KL: variants seen among roughly 807,000 people sequenced by gnomAD.
KL encodes klotho.
Under a neutral mutation model 84.2 loss-of-function variants are expected in KL, and 62 were observed. The observed-to-expected ratio is 0.74, with a 90% CI of 0.60 to 0.91. The LOEUF (loss-of-function observed/expected upper bound fraction) is 0.91, where lower values mean the gene tolerates loss of function less well. KL is among the 40% of genes least tolerant of loss of function. The probability of loss-of-function intolerance (pLI) is 0.00; values close to 1 mark genes in which losing one functional copy is unlikely to be tolerated. For missense variants in KL, 1,261 were observed against 1,305.7 expected (o/e 0.97, Z 0.53); for synonymous variants, 528 against 528.0 (o/e 1.00, Z 0.00).
chr13:33,060,399 A>G (rs1872130430), intron 3 of KL, among the ~76,000 whole-genome samples: 1 of 152,228 alleles, frequency 6.6e-6, no homozygotes. Context: ...TGCAAGACTC[A>G]TTAGCATTTG....
chr13:33,042,389 A>G (rs1280442611), intron 1 of KL, among the ~76,000 whole-genome samples: 1 of 152,118 alleles, frequency 6.6e-6, no homozygotes, highest in Non-Finnish European at 1.5e-5. Context: ...CTTCTAATCA[A>G]TTCTCACCTC....
intron 1 of KL, among the ~76,000 whole-genome samples, chr13:33,032,823 CT>C (rs1417444952): frequency 6.6e-6 from 1 of 152,014 alleles, no homozygotes; most frequent in East Asian, 1.9e-4. Context: ...CCTGGAATGC[CT>C]TTTTCCGTCT....
chr13:33,032,717 C>T (rs1405862194), intron 1 of KL, among the ~76,000 whole-genome samples: 1 of 152,024 alleles, frequency 6.6e-6, no homozygotes, highest in Non-Finnish European at 1.5e-5. Flanking sequence ...CAGGTTATAT[C>T]GTAAAAGATC....
At chr13:33,038,114 T>G (rs1286107944) in intron 1 of KL, among the ~76,000 whole-genome samples, 1 of 152,240 alleles carries the variant, frequency 6.6e-6, no homozygotes, top group Admixed American at 6.5e-5. Context: ...ATTTTGAGCA[T>G]ATGACTGATC....
intron 1 of KL, among the ~76,000 whole-genome samples, chr13:33,024,313 G>A (rs1870678141): frequency 6.6e-6 from 1 of 152,220 alleles, no homozygotes; most frequent in African/African-American, 2.4e-5. Flanking sequence ...GAATATGAAT[G>A]TAACCTTTGA....
At chr13:33,020,244 C>G (rs1870527304) in intron 1 of KL, among the ~76,000 whole-genome samples, 1 of 152,178 alleles carries the variant, frequency 6.6e-6, no homozygotes, top group Non-Finnish European at 1.5e-5. Flanking sequence ...TTTGTTGAAG[C>G]CATCACTTCT....
chr13:33,040,373 G>A (rs1431391047), intron 1 of KL, among the ~76,000 whole-genome samples: 2 of 152,298 alleles, frequency 1.3e-5, no homozygotes, highest in South Asian at 4.2e-4. Flanking sequence ...TCTTGAAGTT[G>A]AGGTAATAGG....
chr13:33,054,126 C>T lies in KL; in HGVS notation c.1179C>T (p.Asn393=). 6.2e-7 allele frequency: 1 copy of T among 1,614,010 alleles called. No homozygotes were observed. The highest frequency in any genetic ancestry group is 8.5e-7 in the Non-Finnish European group (1 of 1,180,020). The stretch of plus-strand genomic sequence containing the variant: ...AGTTCCGCCAATTGGAATCTCCCAA[C>T]CTGAGGCAACTGCTTTCCTGGATTG... ...HMKFRQLESP[N]LRQLLSWIDL... is the part of the protein sequence containing the mutation. The change falls in exon 2 of 5, where the codon AAC becomes AAT. Residue 393 remains asparagine (N), a synonymous_variant. Transcript: ENST00000380099.
At chr13:33,023,842 A>G (rs1024709288) in intron 1 of KL, among the ~76,000 whole-genome samples, 7 of 152,240 alleles carry the variant, frequency 4.6e-5, no homozygotes, top group African/African-American at 1.7e-4. Context: ...CATATCTATA[A>G]GTGCATTTTA....
chr13:33,034,548 A>AT (rs201362910), intron 1 of KL, among the ~76,000 whole-genome samples: 252 of 152,280 alleles, frequency 1.7e-3, no homozygotes, highest in Non-Finnish European at 3.0e-3. Flanking sequence ...ACCAAAAAAA[A>AT]AAATAAATAA....
At chr13:33,041,392 A>G (rs967532551) in intron 1 of KL, among the ~76,000 whole-genome samples, 3 of 139,996 alleles carry the variant, frequency 2.1e-5, no homozygotes, top group African/African-American at 5.1e-5. Context: ...AGTTTTTGCC[A>G]TTACTTTTTA....
At chr13:33,021,563 A>T (rs1347786568) in intron 1 of KL, among the ~76,000 whole-genome samples, 1 of 152,204 alleles carries the variant, frequency 6.6e-6, no homozygotes, top group Non-Finnish European at 1.5e-5. Context: ...CTTTTGAGAA[A>T]TACTTTACAA....
chr13:33,055,981 T>C (rs1307691339), intron 3 of KL, among the ~76,000 whole-genome samples: 1 of 152,188 alleles, frequency 6.6e-6, no homozygotes, highest in African/African-American at 2.4e-5. Flanking sequence ...AAGCACTTAT[T>C]GGATGTCTAG....
intron 1 of KL, among the ~76,000 whole-genome samples, chr13:33,045,505 G>A (rs879569728): frequency 2.6e-5 from 4 of 151,990 alleles, no homozygotes; most frequent in Admixed American, 6.6e-5. Context: ...TGTTTGAGAC[G>A]GAGTTTCTCT....
chr13:33,057,516 T>A (rs1257072464), intron 3 of KL, among the ~76,000 whole-genome samples: 1 of 152,186 alleles, frequency 6.6e-6, no homozygotes, highest in African/African-American at 2.4e-5. Flanking sequence ...GAATCTGACC[T>A]AAGGTCAGCC....
chr13:33,052,136 T>G (rs1319172547), intron 1 of KL, among the ~76,000 whole-genome samples: 1 of 152,150 alleles, frequency 6.6e-6, no homozygotes, highest in African/African-American at 2.4e-5. Flanking sequence ...TTTGGATTTT[T>G]TGGTAGAAAT....
At chr13:33,019,402 G>T (rs1388913245) in intron 1 of KL, among the ~76,000 whole-genome samples, 1 of 152,092 alleles carries the variant, frequency 6.6e-6, no homozygotes, top group Non-Finnish European at 1.5e-5. Context: ...CTGGGGCTTA[G>T]ATATTGCTGC....
chr13:33,042,852 T>G (rs1593800029), intron 1 of KL, among the ~76,000 whole-genome samples: 2 of 152,206 alleles, frequency 1.3e-5, no homozygotes, highest in African/African-American at 4.8e-5. Context: ...TGGCTAAGTT[T>G]CGTATTTTCA....
intron 1 of KL, among the ~76,000 whole-genome samples, chr13:33,052,576 T>C (rs945326541): frequency 2.6e-5 from 4 of 152,232 alleles, no homozygotes; most frequent in African/African-American, 9.7e-5. Context: ...CAAACTATCT[T>C]ATTTCATTGA....
Sources: allele counts gnomAD v4.1 joint callset (sites outside exome capture counted in the v4.1 genomes callset), GRCh38; gene constraint gnomAD v4.1.1; transcripts MANE v1.5; gene names NCBI Gene and HGNC (gene_info 2026-07-23, HGNC 2026-07-21).